The following MPDZ variants were observed in gnomAD, a reference collection of about 807,000 sequenced individuals.
MPDZ encodes the protein multiple PDZ domain protein.
Under a neutral mutation model 239.1 loss-of-function variants are expected in MPDZ, and 234 were observed. That is an observed-to-expected ratio of 0.98 (90% CI 0.88 to 1.09). The LOEUF (loss-of-function observed/expected upper bound fraction) is 1.09. MPDZ is among the 50% of genes least tolerant of loss of function. The pLI is 0.00. For missense variants in MPDZ, 3,175 were observed against 2,510.0 expected (o/e 1.26, Z -5.66); for synonymous variants, 1,048 against 881.3 (o/e 1.19, Z -3.35).
chr9:13,265,777 T>C (rs951222355), intron 1 of MPDZ, among the ~76,000 whole-genome samples: 1 of 151,894 alleles, frequency 6.6e-6, no homozygotes, highest in African/African-American at 2.4e-5. Flanking sequence ...GGCAGAACAA[T>C]AGGTGGCTTG....
chr9:13,168,540 T>A lies in MPDZ; in HGVS notation c.3080A>T (p.Asp1027Val), dbSNP rs372981122. The A allele has an allele frequency of 1.9e-6, 3 of 1,609,122 alleles. No homozygotes were observed. The African/African-American group carries it at 4.0e-5, about 21-fold the overall frequency. ...GCTTCGAACGATCATCCCCAAGCCA[T>A]CTTTATTAGCACTAACTGTCATTCC... ...SLGMTVSANK[D>V]GLGMIVRSII... The change falls in exon 22 of 47, where the codon GAT becomes GTT. Residue 1027 changes from aspartate (D) to valine (V), a missense_variant. Coordinates refer to ENST00000319217, the MANE Select transcript of MPDZ (RefSeq NM_001378778.1).
intron 22 of MPDZ, among the ~76,000 whole-genome samples, chr9:13,163,393 A>T (rs183405495): frequency 1.0e-3 from 157 of 152,304 alleles, no homozygotes; most frequent in African/African-American, 3.5e-3. Context: ...AAGCAATTTT[A>T]AAAAATTCAC....
At chr9:13,194,462 C>T (rs1955374271) in intron 13 of MPDZ, among the ~76,000 whole-genome samples, 1 of 152,014 alleles carries the variant, frequency 6.6e-6, no homozygotes, top group Non-Finnish European at 1.5e-5. Flanking sequence ...AACCAAACAC[C>T]ATATGTTCTC....
At chr9:13,126,158 T>A (rs1945083207) in intron 34 of MPDZ, among the ~76,000 whole-genome samples, 1 of 152,194 alleles carries the variant, frequency 6.6e-6, no homozygotes, top group Non-Finnish European at 1.5e-5. Flanking sequence ...AGTCTTACAA[T>A]CTGTTTATAA....
intron 1 of MPDZ, among the ~76,000 whole-genome samples, chr9:13,261,059 T>G (rs1970575310): frequency 6.6e-6 from 1 of 152,198 alleles, no homozygotes. Context: ...ATGAATGGAC[T>G]ACAGTGTCTC....
intron 21 of MPDZ, 47 bp downstream of exon 21, chr9:13,175,704 TG>T (rs1285619100): frequency 6.7e-7 from 1 of 1,493,636 alleles, no homozygotes; most frequent in East Asian, 2.5e-5. Flanking sequence ...TATTTCCCCT[TG>T]TCAAGGGGGT....
intron 32 of MPDZ, among the ~76,000 whole-genome samples, chr9:13,129,977 A>T (rs905594484): frequency 9.2e-5 from 14 of 152,230 alleles, no homozygotes; most frequent in Non-Finnish European, 1.8e-4. Flanking sequence ...TGAAGGTAGA[A>T]ACTTCTCTAA....
chr9:13,137,195 C>T (rs1946950638), intron 29 of MPDZ, among the ~76,000 whole-genome samples: 1 of 152,062 alleles, frequency 6.6e-6, no homozygotes, highest in African/African-American at 2.4e-5. Context: ...TGTCATATTT[C>T]CCACTTAGTC....
At chr9:13,233,923 C>T (rs1010679641) in intron 3 of MPDZ, among the ~76,000 whole-genome samples, 6 of 152,180 alleles carry the variant, frequency 3.9e-5, no homozygotes, top group Admixed American at 6.5e-5. Flanking sequence ...GTGGATTCAA[C>T]TGGCTAATTC....
intron 32 of MPDZ, among the ~76,000 whole-genome samples, chr9:13,131,794 T>C (rs1235488755): frequency 2.0e-5 from 3 of 152,206 alleles, no homozygotes; most frequent in Non-Finnish European, 4.4e-5. Context: ...TCTGATAAAC[T>C]GGATTTGTCA....
intron 13 of MPDZ, among the ~76,000 whole-genome samples, chr9:13,195,036 C>T (rs1955462005): frequency 6.6e-6 from 1 of 151,990 alleles, no homozygotes; most frequent in Admixed American, 6.6e-5. Flanking sequence ...GCCTGTAATC[C>T]CAGCAATTTG....
At chr9:13,239,663 A>G (rs1964900532) in intron 3 of MPDZ, among the ~76,000 whole-genome samples, 4 of 152,166 alleles carry the variant, frequency 2.6e-5, no homozygotes. Flanking sequence ...AAGAATACTC[A>G]TGCATTCATT....
intron 24 of MPDZ, among the ~76,000 whole-genome samples, chr9:13,156,096 T>C (rs6474753): frequency 0.44 from 66,448 of 152,054 alleles, 16,559 homozygotes; most frequent in African/African-American, 0.69. Context: ...TTTATCAATA[T>C]AGACAAAGCC....
chr9:13,113,672 C>T (rs1453496142), intron 41 of MPDZ, among the ~76,000 whole-genome samples: 1 of 152,014 alleles, frequency 6.6e-6, no homozygotes, highest in African/African-American at 2.4e-5. Context: ...TCAAAAACAC[C>T]AATCTGCTTA....
At chr9:13,150,449 A>T in intron 25 of MPDZ, 62 bp downstream of exon 25, 7 of 1,302,188 alleles carry the variant, frequency 5.4e-6, no homozygotes, top group Non-Finnish European at 7.1e-6. Context: ...TAGTAAAATT[A>T]AAAAATAAAT....
At chr9:13,111,879 C>A in intron 43 of MPDZ, 145 bp downstream of exon 43, 1 of 658,376 alleles carries the variant, frequency 1.5e-6, no homozygotes. Context: ...TTATTCCAAG[C>A]AAGCCTTGCT....
chr9:13,164,424 A>C (rs985236489), intron 22 of MPDZ, among the ~76,000 whole-genome samples: 3 of 152,156 alleles, frequency 2.0e-5, no homozygotes, highest in African/African-American at 7.2e-5. Flanking sequence ...AAAACCTAAA[A>C]TGTGAAAAGC....
intron 3 of MPDZ, among the ~76,000 whole-genome samples, chr9:13,236,225 G>GTGTA (rs1444121104): frequency 2.6e-5 from 2 of 76,764 alleles, no homozygotes; most frequent in African/African-American, 4.8e-5. Context: ...GTGTGTGTGT[G>GTGTA]TATATGTATA....
chr9:13,139,557 T>C (rs1947330924), intron 28 of MPDZ, among the ~76,000 whole-genome samples: 1 of 152,150 alleles, frequency 6.6e-6, no homozygotes, highest in East Asian at 1.9e-4. Flanking sequence ...AAAGTTTTTA[T>C]CTCCACAATT....
Sources: gnomAD v4.1 joint callset for allele counts (sites outside exome capture counted in the v4.1 genomes callset) on GRCh38, gnomAD v4.1.1 for gene constraint, MANE v1.5 for transcripts, NCBI Gene and HGNC (gene_info 2026-07-23, HGNC 2026-07-21) for gene names.